The following CHMP4B variants were observed in gnomAD, a reference collection of about 807,000 sequenced individuals.
CHMP4B encodes SNF7 homolog associated with Alix 1.
In CHMP4B, 1 loss-of-function variant was observed where a neutral mutation model predicts 25.1. The observed-to-expected ratio is 0.04, with a 90% CI of 0.01 to 0.19. CHMP4B has a LOEUF of 0.19. Ranked by LOEUF, CHMP4B falls within the 10% of genes least tolerant of loss-of-function variation. The pLI, the probability that CHMP4B is intolerant of heterozygous loss-of-function variation, is 1.00. For synonymous variants in CHMP4B, 101 were observed against 115.6 expected (o/e 0.87, Z 0.81); for missense variants, 151 against 289.7 (o/e 0.52, Z 3.48).
At position 33,853,880 on chromosome 20, in the gene CHMP4B, A is replaced by G; in HGVS notation, c.*320A>G. 1 of 441,728 alleles carries G rather than the reference A, an allele frequency of 2.3e-6. No individual in the cohort carries two copies. Among genetic ancestry groups the G allele is most frequent in the Non-Finnish European group, 4.2e-6 (1 of 238,110 alleles). The allele number at this position is 441,728 out of a possible 1,614,324, so 27.4% of individuals were successfully genotyped here. A position where few individuals can be genotyped will look rare whatever the true frequency, so the allele number is the denominator to read the frequency against. The stretch of plus-strand genomic sequence containing the variant: ...GACTCCACTGCTGAATCCTCAATGG[A>G]AAGGGTCGACTGGTTGCAGTTGAAA... On this transcript the variant is annotated 3_prime_UTR_variant, in exon 5 of 5. Coordinates refer to ENST00000217402, the MANE Select transcript of CHMP4B (RefSeq NM_176812.5).
At chr20:33,843,829 A>T (rs1406397865) in intron 1 of CHMP4B, among the ~76,000 whole-genome samples, 1 of 152,222 alleles carries the variant, frequency 6.6e-6, no homozygotes, top group Non-Finnish European at 1.5e-5. Flanking sequence ...ATTTGTCTAC[A>T]TCTGTTTCTG....
intron 1 of CHMP4B, among the ~76,000 whole-genome samples, chr20:33,815,702 A>G (rs1474732536): frequency 3.9e-5 from 6 of 152,216 alleles, no homozygotes; most frequent in Non-Finnish European, 8.8e-5. Context: ...CATTTGTTAA[A>G]TGAAAAAAAC....
intron 1 of CHMP4B, among the ~76,000 whole-genome samples, chr20:33,821,202 C>T (rs929999365): frequency 6.6e-6 from 1 of 151,810 alleles, no homozygotes; most frequent in Non-Finnish European, 1.5e-5. Flanking sequence ...GCCTGGCCAG[C>T]AAGGCGAAAC....
chr20:33,852,261 T>C (rs1979875281), intron 4 of CHMP4B, 58 bp downstream of exon 4: 1 of 1,608,016 alleles, frequency 6.2e-7, no homozygotes, highest in African/African-American at 1.3e-5. Context: ...GATCTTGTGG[T>C]CGGTTGGCTT....
chr20:33,834,304 TTATTTG>T (rs1204131383), intron 1 of CHMP4B, among the ~76,000 whole-genome samples: 1 of 152,114 alleles, frequency 6.6e-6, no homozygotes, highest in South Asian at 2.1e-4. Flanking sequence ...TGTTTGCCCT[TTATTTG>T]TATTTGTATT....
intron 1 of CHMP4B, among the ~76,000 whole-genome samples, chr20:33,819,995 A>G (rs543410629): frequency 1.3e-3 from 191 of 151,336 alleles, no homozygotes; most frequent in African/African-American, 4.3e-3. Flanking sequence ...GTGAAACCCC[A>G]TCTCTACTAA....
intron 1 of CHMP4B, among the ~76,000 whole-genome samples, chr20:33,842,109 A>G (rs968563083): frequency 6.6e-6 from 1 of 152,152 alleles, no homozygotes; most frequent in South Asian, 2.1e-4. Context: ...AGCCCCCTCT[A>G]TTCTTGATGC....
At chr20:33,824,208 C>CT (rs1334736029) in intron 1 of CHMP4B, among the ~76,000 whole-genome samples, 1 of 152,100 alleles carries the variant, frequency 6.6e-6, no homozygotes, top group Non-Finnish European at 1.5e-5. Context: ...CATTTTTTCC[C>CT]TTTTTTTAGA....
intron 1 of CHMP4B, among the ~76,000 whole-genome samples, chr20:33,839,053 C>A (rs1004048254): frequency 2.6e-5 from 4 of 152,164 alleles, no homozygotes; most frequent in Non-Finnish European, 5.9e-5. Context: ...GTCCTAGGCT[C>A]ATTGTCCCTA....
chr20:33,829,327 G>A (rs1664738503), intron 1 of CHMP4B, among the ~76,000 whole-genome samples: 1 of 152,166 alleles, frequency 6.6e-6, no homozygotes, highest in Admixed American at 6.5e-5. Flanking sequence ...AGACCACATT[G>A]GGTACTTGGA....
intron 1 of CHMP4B, among the ~76,000 whole-genome samples, chr20:33,843,170 T>C (rs1398386039): frequency 1.3e-5 from 2 of 152,242 alleles, no homozygotes; most frequent in Non-Finnish European, 2.9e-5. Context: ...AATAGCTGTT[T>C]GGAGGGGCTA....
intron 1 of CHMP4B, among the ~76,000 whole-genome samples, chr20:33,817,055 G>C (rs751451745): frequency 6.6e-6 from 1 of 152,206 alleles, no homozygotes; most frequent in Admixed American, 6.5e-5. Context: ...GACAAAGAAC[G>C]TGGCTCTTTG....
chr20:33,852,699 G>A (rs561594416), intron 4 of CHMP4B, among the ~76,000 whole-genome samples: 1 of 152,208 alleles, frequency 6.6e-6, no homozygotes, highest in African/African-American at 2.4e-5. Context: ...CAGGCACTGT[G>A]AGAAGGTGTG....
chr20:33,852,298 T>C, intron 4 of CHMP4B, 95 bp downstream of exon 4: 1 of 1,456,978 alleles, frequency 6.9e-7, no homozygotes, highest in East Asian at 2.3e-5. Context: ...GGCTTTGGTT[T>C]GTGGTCGGTT....
intron 1 of CHMP4B, among the ~76,000 whole-genome samples, chr20:33,832,495 A>G (rs1241688737): frequency 6.6e-6 from 1 of 152,156 alleles, no homozygotes; most frequent in Non-Finnish European, 1.5e-5. Context: ...TGCTTTTTAA[A>G]ATATAACTGT....
At chr20:33,820,915 C>A (rs1474379397) in intron 1 of CHMP4B, among the ~76,000 whole-genome samples, 1 of 152,090 alleles carries the variant, frequency 6.6e-6, no homozygotes, top group Non-Finnish European at 1.5e-5. Flanking sequence ...TTAACTTGGT[C>A]ATAAAATAAT....
chr20:33,822,846 G>A, intron 1 of CHMP4B, among the ~76,000 whole-genome samples: 1 of 152,120 alleles, frequency 6.6e-6, no homozygotes, highest in Non-Finnish European at 1.5e-5. Context: ...CCAGGCTGGA[G>A]TGCAGCGGTG....
At chr20:33,831,773 G>A (rs1453354954) in intron 1 of CHMP4B, among the ~76,000 whole-genome samples, 1 of 152,056 alleles carries the variant, frequency 6.6e-6, no homozygotes, top group Non-Finnish European at 1.5e-5. Flanking sequence ...AGTTGTAATC[G>A]ACAGTGTTCA....
Position 33,811,410 on chromosome 20 carries a change from C to G in CHMP4B, c.-59C>G. On this transcript the variant is annotated 5_prime_UTR_variant, in exon 1 of 5. Coordinates refer to ENST00000217402, the MANE Select transcript of CHMP4B (RefSeq NM_176812.5). The stretch of plus-strand genomic sequence containing the variant: ...AGCGGGCGCCGGAGCCGACCCGAGC[C>G]GAGCCGAGCCGAGCCGAGCCGGAGC... 7.3e-7 allele frequency: 1 copy of G among 1,376,084 alleles called. No individual in the cohort carries two copies. The highest frequency in any genetic ancestry group is 9.4e-7 in the Non-Finnish European group (1 of 1,062,300). The allele number at this position is 1,376,084 out of a possible 1,614,324, so 85.2% of individuals were successfully genotyped here.
Sources: gnomAD v4.1 joint callset for allele counts (sites outside exome capture counted in the v4.1 genomes callset) on GRCh38, gnomAD v4.1.1 for gene constraint, MANE v1.5 for transcripts, NCBI Gene and HGNC (gene_info 2026-07-23, HGNC 2026-07-21) for gene names.